SVOP: variants seen among roughly 807,000 people sequenced by gnomAD.
The protein encoded by SVOP is synaptic vesicle 2-related protein.
SVOP carries 17 observed loss-of-function variants against 69.1 expected under a neutral mutation model. The ratio of observed to expected loss-of-function variants is 0.25; its 90% CI spans 0.17 to 0.37. SVOP has a LOEUF of 0.37. Among genes scored for constraint, SVOP ranks in the 10% least tolerant of loss-of-function variants. The probability of loss-of-function intolerance (pLI) is 1.00; values close to 1 mark genes in which losing one functional copy is unlikely to be tolerated. For synonymous variants in SVOP, 238 were observed against 238.6 expected (o/e 1.00, Z 0.02); for missense variants, 435 against 597.5 (o/e 0.73, Z 2.84).
chr12:108,980,586 T>TA (rs1352062857), intron 2 of SVOP, among the ~76,000 whole-genome samples: 42,760 of 147,174 alleles, frequency 0.29, 6,876 homozygotes, highest in African/African-American at 0.38. Context: ...CCGTCTCTAC[T>TA]GAAAATACAA....
chr12:108,953,937 C>A (rs2039970742), intron 6 of SVOP, among the ~76,000 whole-genome samples: 4 of 151,844 alleles, frequency 2.6e-5, no homozygotes, highest in Admixed American at 6.6e-5. Context: ...CATGGTGAAA[C>A]CCCGTCTCTA....
chr12:108,968,573 A>G (rs1315828165), intron 5 of SVOP, among the ~76,000 whole-genome samples: 1 of 152,172 alleles, frequency 6.6e-6, no homozygotes, highest in African/African-American at 2.4e-5. Flanking sequence ...GGCTTGCTTT[A>G]GCCATGCAGT....
At chr12:108,919,388 T>TACCCACACCTGGGCCTGC (rs1384044480) in intron 13 of SVOP, among the ~76,000 whole-genome samples, 2 of 134,010 alleles carry the variant, frequency 1.5e-5, no homozygotes, top group East Asian at 4.7e-4. Flanking sequence ...CCTGGGCCTA[T>TACCCACACCTGGGCCTGC]ACCCACACCT....
At chr12:108,969,314 T>C (rs1030515993) in intron 5 of SVOP, among the ~76,000 whole-genome samples, 1 of 148,772 alleles carries the variant, frequency 6.7e-6, no homozygotes, top group Non-Finnish European at 1.5e-5. Context: ...ACCTCCTTCC[T>C]TTCTTCCTCC....
intron 6 of SVOP, among the ~76,000 whole-genome samples, chr12:108,951,646 G>C (rs774822512): frequency 5.3e-5 from 8 of 152,156 alleles, no homozygotes; most frequent in Non-Finnish European, 1.2e-4. Context: ...CTACACTCCA[G>C]AGTCATTCTC....
At chr12:109,006,638 C>A (rs2040309503) in intron 1 of SVOP, among the ~76,000 whole-genome samples, 3 of 152,116 alleles carry the variant, frequency 2.0e-5, no homozygotes, top group Admixed American at 2.0e-4. Flanking sequence ...ATAATTTCAT[C>A]CTTCTCTGGA....
Position 108,968,296 on chromosome 12 carries a change from G to A in SVOP, c.453+4109C>T, listed in dbSNP as rs146862017. On this transcript the variant is annotated intron_variant, in intron 5 of 15. Coordinates refer to ENST00000610966, the MANE Select transcript of SVOP (RefSeq NM_018711.5). ...AAACAAATGCAGCCCCTTTCCTCAC[G>A]GAGTTTACTAAATTCCCTCCACACT... Among the ~76,000 whole-genome samples, 1,400 of 152,264 alleles carry A rather than the reference G, an allele frequency of 9.2e-3. 25 individuals carry two copies. Among genetic ancestry groups the A allele is most frequent in the African/African-American group, 0.031 (1,303 of 41,540 alleles).
rs2039843354 is a variant in SVOP, at chr12:108,934,352, A to G, written c.972-81T>C. The G allele has an allele frequency of 9.2e-6, 11 of 1,196,310 alleles. No homozygotes were observed. In the East Asian group the frequency reaches 2.8e-4, roughly 31 times the overall value. The allele number at this position is 1,196,310 out of a possible 1,614,324, so 74.1% of individuals were successfully genotyped here. ...TTCCCTACCCCCTTGGGAAGGGCCA[A>G]TGTCTACAGCAGCAGGGACCAGTCT... On this transcript the variant is annotated intron_variant, in intron 10 of 15. Transcript: ENST00000610966.
chr12:108,920,594 C>CTTTTTTTTTTTTTTT (rs71079507), intron 12 of SVOP, among the ~76,000 whole-genome samples: 1 of 121,318 alleles, frequency 8.2e-6, no homozygotes, highest in Non-Finnish European at 1.7e-5. Context: ...ATTTTTACAT[C>CTTTTTTTTTTTTTTT]TTTTTTTTTT....
At chr12:108,944,386 G>A (rs370892919) in intron 7 of SVOP, among the ~76,000 whole-genome samples, 2 of 152,238 alleles carry the variant, frequency 1.3e-5, no homozygotes, top group East Asian at 1.9e-4. Flanking sequence ...TAATTGGTAA[G>A]AAGCAGATGT....
At position 108,964,094 on chromosome 12, in the gene SVOP, C is replaced by T. The variant is rs190727949; in HGVS notation, c.454-3047G>A. ...TCAGGTCCGGGCAAGGTGGCTCATGCCTGTAATCCCAGCACTTTGAGAGCT... is the reference window on the plus strand; with the variant it reads ...TCAGGTCCGGGCAAGGTGGCTCATGTCTGTAATCCCAGCACTTTGAGAGCT... On this transcript the variant is annotated intron_variant, in intron 5 of 15. Coordinates refer to ENST00000610966, the MANE Select transcript of SVOP (RefSeq NM_018711.5). Among the ~76,000 whole-genome samples the T allele has an allele frequency of 3.7e-3, 566 of 152,128 alleles. 2 individuals carry two copies. Among genetic ancestry groups the T allele is most frequent in the Non-Finnish European group, 6.0e-3 (411 of 68,010 alleles).
chr12:108,982,800 TCAC>T (rs1393147507), intron 2 of SVOP, among the ~76,000 whole-genome samples: 1 of 84,650 alleles, frequency 1.2e-5, no homozygotes, highest in Non-Finnish European at 2.4e-5. Flanking sequence ...ATCATCATCA[TCAC>T]CATCATCATC....
At chr12:108,949,881 C>T (rs1324976902) in intron 6 of SVOP, among the ~76,000 whole-genome samples, 3 of 152,090 alleles carry the variant, frequency 2.0e-5, no homozygotes, top group Non-Finnish European at 4.4e-5. Flanking sequence ...CCAGAAGTGC[C>T]GAAGAATTTA....
intron 1 of SVOP, among the ~76,000 whole-genome samples, chr12:109,009,390 C>T (rs1218123532): frequency 1.3e-5 from 2 of 152,140 alleles, no homozygotes; most frequent in Non-Finnish European, 2.9e-5. Flanking sequence ...CTGAGCATTG[C>T]AGAAGATGCA....
In SVOP at chr12:108,946,228, C is replaced by T. The variant is rs149335383; in HGVS notation, c.579-1062G>A. 7.0e-3 allele frequency among the ~76,000 whole-genome samples: 1,060 copies of T among 151,880 alleles called. 6 individuals are homozygous for T. Among genetic ancestry groups the T allele is most frequent in the Non-Finnish European group, 0.012 (789 of 67,972 alleles). On this transcript the variant is annotated intron_variant, in intron 6 of 15. Transcript: ENST00000610966. The stretch of plus-strand genomic sequence containing the variant: ...TTACCAGCCTCCAAGACTACAAGTG[C>T]TAGGATTATAGGCACACACCACCAC...
At chr12:108,946,305 G>A (rs1200626110) in intron 6 of SVOP, among the ~76,000 whole-genome samples, 2 of 151,236 alleles carry the variant, frequency 1.3e-5, no homozygotes, top group African/African-American at 4.9e-5. Context: ...TCACTATGTT[G>A]TTCATGCTGG....
intron 1 of SVOP, among the ~76,000 whole-genome samples, chr12:108,999,748 T>A (rs2135619428): frequency 6.7e-6 from 1 of 148,914 alleles, no homozygotes; most frequent in South Asian, 2.2e-4. Context: ...GAAATAAAGA[T>A]GTTCTTTGAA....
intron 2 of SVOP, among the ~76,000 whole-genome samples, chr12:108,979,155 G>T (rs1421530737): frequency 6.6e-6 from 1 of 152,152 alleles, no homozygotes; most frequent in Non-Finnish European, 1.5e-5. Flanking sequence ...TTGTCAGAGG[G>T]AGGAAGGAAA....
At chr12:108,938,377 C>T (rs779797301) in intron 9 of SVOP, among the ~76,000 whole-genome samples, 18 of 152,086 alleles carry the variant, frequency 1.2e-4, no homozygotes, top group African/African-American at 1.9e-4. Context: ...GTGTTACCAG[C>T]GGAGTGAGGC....
Sources: allele counts gnomAD v4.1 joint callset (sites outside exome capture counted in the v4.1 genomes callset), GRCh38; gene constraint gnomAD v4.1.1; transcripts MANE v1.5; gene names NCBI Gene and HGNC (gene_info 2026-07-23, HGNC 2026-07-21).